PHACTR1: variants seen among roughly 807,000 people sequenced by gnomAD.
PHACTR1 encodes phosphatase and actin regulator 1.
PHACTR1 carries 16 observed loss-of-function variants against 69.2 expected under a neutral mutation model. The observed-to-expected ratio is 0.23, with a 90% CI of 0.16 to 0.35. PHACTR1 has a LOEUF of 0.35. Ranked by LOEUF, PHACTR1 falls within the 10% of genes least tolerant of loss-of-function variation. The pLI, the probability that PHACTR1 is intolerant of heterozygous loss-of-function variation, is 1.00. For missense variants in PHACTR1, 510 were observed against 734.7 expected, an observed-to-expected ratio of 0.69 and a Z score of 3.54; for synonymous variants, 312 against 284.5, an observed-to-expected ratio of 1.10 and a Z score of -0.97.
chr6:12,725,100 C>T (rs1762613011), intron 3 of PHACTR1, among the ~76,000 whole-genome samples: 1 of 152,168 alleles, frequency 6.6e-6, no homozygotes, highest in African/African-American at 2.4e-5. Context: ...AGCTAAGAGT[C>T]TCTTTAAGTT....
intron 10 of PHACTR1, among the ~76,000 whole-genome samples, chr6:13,254,035 C>T (rs1009008972): frequency 1.1e-4 from 17 of 152,166 alleles, no homozygotes; most frequent in Admixed American, 6.5e-4. Flanking sequence ...CAAGACCAGC[C>T]TGGCTAACAT....
chr6:13,285,134 CCA>C (rs1173675292), intron 13 of PHACTR1, among the ~76,000 whole-genome samples: 3 of 152,214 alleles, frequency 2.0e-5, no homozygotes, highest in Admixed American at 2.0e-4. Context: ...TGCAAGAAAA[CCA>C]CAGACATCTC....
Position 12,792,066 on chromosome 6 carries a change from G to A in PHACTR1, c.250+42276G>A, listed in dbSNP as rs1772351023. 4.6e-5 allele frequency among the ~76,000 whole-genome samples: 7 copies of A among 152,252 alleles called. No homozygotes were observed. In the South Asian group the frequency reaches 1.5e-3, roughly 32 times the overall value. ...AAAGAAGATGTTAGTATACATGCAG[G>A]TATATATGTATGGATATGAAAGTAG... is the stretch of plus-strand genomic sequence containing the variant. On this transcript the variant is annotated intron_variant, in intron 4 of 14. Transcript: ENST00000332995.
intron 4 of PHACTR1, among the ~76,000 whole-genome samples, chr6:13,027,403 T>C (rs943157574): frequency 6.6e-6 from 1 of 152,194 alleles, no homozygotes; most frequent in African/African-American, 2.4e-5. Context: ...TTGTCTTTTA[T>C]GCCAACGGGA....
At chr6:12,858,925 TC>T (rs1452184263) in intron 4 of PHACTR1, among the ~76,000 whole-genome samples, 1 of 152,202 alleles carries the variant, frequency 6.6e-6, no homozygotes, top group Non-Finnish European at 1.5e-5. Context: ...TCAGTGTTCT[TC>T]TTCAATGTTA....
intron 4 of PHACTR1, among the ~76,000 whole-genome samples, chr6:12,877,882 C>A (rs1782698741): frequency 6.6e-6 from 1 of 152,190 alleles, no homozygotes; most frequent in Non-Finnish European, 1.5e-5. Context: ...AATTTTCTCC[C>A]TCCTGGGCTT....
chr6:13,059,289 TGCCA>T (rs1807309750), intron 5 of PHACTR1, among the ~76,000 whole-genome samples: 1 of 152,020 alleles, frequency 6.6e-6, no homozygotes. Flanking sequence ...GAAGGGTGGT[TGCCA>T]GGGGAGGGGG....
chr6:12,733,991 C>T (rs1389769639), intron 3 of PHACTR1, among the ~76,000 whole-genome samples: 3 of 152,196 alleles, frequency 2.0e-5, no homozygotes, highest in Non-Finnish European at 4.4e-5. Flanking sequence ...CTCTGCCCAA[C>T]TCAGTTCAAC....
intron 4 of PHACTR1, among the ~76,000 whole-genome samples, chr6:12,998,128 C>A (rs1320559179): frequency 6.6e-6 from 1 of 152,040 alleles, no homozygotes; most frequent in African/African-American, 2.4e-5. Flanking sequence ...AAATCAACTG[C>A]GCAATATGCA....
At chr6:13,153,093 A>G (rs904506248) in intron 5 of PHACTR1, among the ~76,000 whole-genome samples, 1 of 152,228 alleles carries the variant, frequency 6.6e-6, no homozygotes, top group Non-Finnish European at 1.5e-5. Context: ...TGAAAGGCAC[A>G]TTCAAAGAAT....
At chr6:12,769,476 C>T (rs1463872920) in intron 4 of PHACTR1, among the ~76,000 whole-genome samples, 1 of 152,184 alleles carries the variant, frequency 6.6e-6, no homozygotes, top group East Asian at 1.9e-4. Context: ...GTTTGAATCC[C>T]ACCTACAGCC....
chr6:12,999,555 C>T lies in PHACTR1; in HGVS notation c.251-53810C>T, dbSNP rs370547399. On this transcript the variant is annotated intron_variant, in intron 4 of 14. Coordinates refer to ENST00000332995, the MANE Select transcript of PHACTR1 (RefSeq NM_030948.6). ...CGGAGGTTGCAGAGAGCTGAGACGG[C>T]GCCACTGCACTCCAGCCTGGGTGAC... Among the ~76,000 whole-genome samples, 30 of 152,120 alleles carry T rather than the reference C, an allele frequency of 2.0e-4. No individual in the cohort carries two copies. The East Asian group carries it at 5.0e-3, about 25-fold the overall frequency.
intron 3 of PHACTR1, among the ~76,000 whole-genome samples, chr6:12,723,015 A>G (rs1428489177): frequency 6.6e-6 from 1 of 152,220 alleles, no homozygotes; most frequent in Non-Finnish European, 1.5e-5. Flanking sequence ...ACTCAACTTC[A>G]GACTCTGTAA....
At chr6:12,985,496 A>G (rs1796035452) in intron 4 of PHACTR1, among the ~76,000 whole-genome samples, 2 of 148,448 alleles carry the variant, frequency 1.3e-5, no homozygotes, top group African/African-American at 5.0e-5. Context: ...TGACCATACT[A>G]CATCATCAGA....
chr6:12,830,121 G>GA (rs1157136733), intron 4 of PHACTR1, among the ~76,000 whole-genome samples: 2 of 121,370 alleles, frequency 1.6e-5, no homozygotes, highest in African/African-American at 6.4e-5. Flanking sequence ...AAGAAAGAAA[G>GA]AAAGAAAGAA....
intron 4 of PHACTR1, among the ~76,000 whole-genome samples, chr6:12,961,416 C>T (rs1022397740): frequency 6.6e-6 from 1 of 152,166 alleles, no homozygotes; most frequent in Admixed American, 6.5e-5. Context: ...GTTATAAATT[C>T]ATGTGCCCTG....
At chr6:12,822,836 G>A (rs1318979774) in intron 4 of PHACTR1, among the ~76,000 whole-genome samples, 5 of 152,202 alleles carry the variant, frequency 3.3e-5, no homozygotes, top group African/African-American at 1.2e-4. Context: ...TGTTACCTCT[G>A]AGAAGGTAGA....
intron 4 of PHACTR1, among the ~76,000 whole-genome samples, chr6:12,954,165 G>A (rs951675386): frequency 1.3e-5 from 2 of 151,934 alleles, no homozygotes; most frequent in Non-Finnish European, 2.9e-5. Flanking sequence ...CAGGGAGACC[G>A]AGAAGCCATG....
chr6:12,730,727 AT>A (rs987642904), intron 3 of PHACTR1, among the ~76,000 whole-genome samples: 17 of 152,114 alleles, frequency 1.1e-4, no homozygotes, highest in Admixed American at 4.6e-4. Context: ...CCCATTTGTT[AT>A]TTTTCCTGAC....
Sources: gnomAD v4.1 joint callset for allele counts (sites outside exome capture counted in the v4.1 genomes callset) on GRCh38, gnomAD v4.1.1 for gene constraint, MANE v1.5 for transcripts, NCBI Gene and HGNC (gene_info 2026-07-23, HGNC 2026-07-21) for gene names.